The following THADA variants were observed in gnomAD, a reference collection of about 807,000 sequenced individuals.
The protein encoded by THADA is THADA armadillo repeat containing, also known as tRNA (32-2'-O)-methyltransferase regulator THADA.
Under a neutral mutation model 219.8 loss-of-function variants are expected in THADA, and 213 were observed. The observed-to-expected ratio is 0.97, with a 90% CI of 0.87 to 1.09. The LOEUF (loss-of-function observed/expected upper bound fraction) is 1.09. Ranked by LOEUF, THADA falls within the 50% of genes least tolerant of loss-of-function variation. THADA has a pLI of 0.00. For missense variants in THADA, 2,956 were observed against 2,311.3 expected, an observed-to-expected ratio of 1.28 and a Z score of -5.72; for synonymous variants, 1,018 against 828.9, an observed-to-expected ratio of 1.23 and a Z score of -3.92.
In THADA at chr2:43,231,161, A is replaced by G. The variant is rs1384081232; in HGVS notation, c.5649T>C (p.Ser1883=). ...CTGGTGGAAGCTCTCTGAAGAACTGAGACAGGAGGTGGCACTGCTCTGACA... is the reference window on the plus strand; with the variant it reads ...CTGGTGGAAGCTCTCTGAAGAACTGGGACAGGAGGTGGCACTGCTCTGACA... ...RMVSEQCHLL[S]QFFRELPPAA... The change falls in exon 38 of 38, where the codon TCT becomes TCC. Residue 1883 remains serine, a synonymous_variant. Coordinates refer to ENST00000405975, the MANE Select transcript of THADA (RefSeq NM_022065.5). The G allele has an allele frequency of 6.2e-7, 1 of 1,613,818 alleles. No homozygotes were observed. The highest frequency in any genetic ancestry group is 1.1e-5 in the South Asian group (1 of 91,062).
intron 29 of THADA, among the ~76,000 whole-genome samples, chr2:43,345,548 C>T (rs544733792): frequency 2.0e-3 from 310 of 152,290 alleles, no homozygotes; most frequent in African/African-American, 7.0e-3. Context: ...TTCACCACAC[C>T]CCCGCAGGGA....
intron 26 of THADA, among the ~76,000 whole-genome samples, chr2:43,485,015 G>A (rs1007885624): frequency 6.6e-6 from 1 of 150,838 alleles, no homozygotes; most frequent in African/African-American, 2.4e-5. Context: ...TTGCTACCTT[G>A]CTAAATTTTT....
intron 36 of THADA, among the ~76,000 whole-genome samples, chr2:43,264,411 G>A (rs955699891): frequency 3.3e-5 from 5 of 151,432 alleles, no homozygotes; most frequent in Non-Finnish European, 7.4e-5. Context: ...TCAGCCTCCC[G>A]AGTAGCTGGG....
chr2:43,584,037 T>TAAAAAAAAAAAAAAAAAAAAA (rs536050936), intron 7 of THADA, among the ~76,000 whole-genome samples: 1 of 65,614 alleles, frequency 1.5e-5, no homozygotes. Context: ...TTGTCTCAAT[T>TAAAAAAAAAAAAAAAAAAAAA]AAAAAAAAAA....
chr2:43,568,066 G>A (rs906146721), intron 14 of THADA, among the ~76,000 whole-genome samples: 3 of 152,144 alleles, frequency 2.0e-5, no homozygotes, highest in Non-Finnish European at 2.9e-5. Context: ...GGAGTCAAGA[G>A]CAGGTCTGGA....
intron 31 of THADA, among the ~76,000 whole-genome samples, chr2:43,294,519 G>C (rs905532308): frequency 6.6e-6 from 1 of 152,224 alleles, no homozygotes; most frequent in African/African-American, 2.4e-5. Context: ...GTGGGAAAGG[G>C]CAGGAGATGA....
chr2:43,591,206 C>T (rs575557659), intron 3 of THADA, among the ~76,000 whole-genome samples: 168 of 152,102 alleles, frequency 1.1e-3, no homozygotes, highest in Non-Finnish European at 1.9e-3. Context: ...TGCCTGTAGT[C>T]CCAGCTACTC....
In THADA at chr2:43,586,876, G is replaced by A; in HGVS notation, c.429C>T (p.Ser143=). ...TACCCAAGTTAAAGTTCTCCATACA[G>A]GAAGAAATATTGTCAGTAACTTTCC... ...SYRKVTDNIS[S]CMENFNLGRA... is the part of the protein sequence containing the mutation. The change falls in exon 5 of 38, where the codon TCC becomes TCT. Residue 143 remains serine, a synonymous_variant. Coordinates refer to ENST00000405975, the MANE Select transcript of THADA (RefSeq NM_022065.5). The A allele has an allele frequency of 3.7e-6, 6 of 1,613,822 alleles. No individual in the cohort carries two copies. Among genetic ancestry groups the A allele is most frequent in the Non-Finnish European group, 5.1e-6 (6 of 1,179,856 alleles).
rs1354728330 is a variant in THADA, at chr2:43,398,116, T to C, written c.4082A>G (p.His1361Arg). ...GGCACGAGCTGCCATTTCACGGGAG[T>C]GGTAGACAGGTGAGTGACCACACCT... ...IMRCGHSPVY[H>R]SREMAARALV... Residue 1361 changes from histidine to arginine, a missense_variant, in exon 29 of 38, where the codon CAC (histidine) becomes CGC (arginine). Transcript: ENST00000405975. The C allele has an allele frequency of 2.5e-6, 4 of 1,613,302 alleles. No homozygotes were observed. The highest frequency in any genetic ancestry group is 3.4e-6 in the Non-Finnish European group (4 of 1,179,742).
chr2:43,557,075 CCT>C (rs1697454938), intron 16 of THADA, among the ~76,000 whole-genome samples: 1 of 151,994 alleles, frequency 6.6e-6, no homozygotes, highest in Admixed American at 6.6e-5. Context: ...AGAGTGAGAC[CCT>C]GTCTCTATTA....
chr2:43,474,374 A>T (rs995497510), intron 26 of THADA, among the ~76,000 whole-genome samples: 1 of 152,172 alleles, frequency 6.6e-6, no homozygotes, highest in African/African-American at 2.4e-5. Flanking sequence ...TCTTCCCCTG[A>T]GAGAGAGGAA....
intron 36 of THADA, among the ~76,000 whole-genome samples, chr2:43,235,560 G>A (rs1364509807): frequency 1.3e-5 from 2 of 152,136 alleles, no homozygotes; most frequent in South Asian, 4.1e-4. Flanking sequence ...CCAAAGTGCT[G>A]GGATTACACC....
chr2:43,397,069 A>ACATCCTT (rs1674148929), intron 29 of THADA, among the ~76,000 whole-genome samples: 1 of 152,206 alleles, frequency 6.6e-6, no homozygotes, highest in Non-Finnish European at 1.5e-5. Context: ...TTCAAAAATG[A>ACATCCTT]AGACATGGAT....
At chr2:43,302,074 C>T (rs149149097) in intron 31 of THADA, among the ~76,000 whole-genome samples, 32 of 151,994 alleles carry the variant, frequency 2.1e-4, no homozygotes, top group African/African-American at 7.5e-4. Flanking sequence ...GATGGTTTAT[C>T]ACAAGCTGAT....
At position 43,381,329 on chromosome 2, in the gene THADA, G is replaced by C. The variant is rs564646985; in HGVS notation, c.4227+16642C>G. ...TAAATGATTGAACAAATAAATAAATGGGAGAGAAGAGACAAATTTCCCACA... is the reference window on the plus strand; with the variant it reads ...TAAATGATTGAACAAATAAATAAATCGGAGAGAAGAGACAAATTTCCCACA... On this transcript the variant is annotated intron_variant, in intron 29 of 37. Coordinates refer to ENST00000405975, the MANE Select transcript of THADA (RefSeq NM_022065.5). Among the ~76,000 whole-genome samples the C allele has an allele frequency of 1.1e-3, 170 of 152,124 alleles. 1 individual carries two copies. Among genetic ancestry groups the C allele is most frequent in the African/African-American group, 4.0e-3 (164 of 41,506 alleles).
At chr2:43,384,672 A>C (rs1672424920) in intron 29 of THADA, among the ~76,000 whole-genome samples, 1 of 152,226 alleles carries the variant, frequency 6.6e-6, no homozygotes, top group African/African-American at 2.4e-5. Flanking sequence ...TTTCAGTATA[A>C]GAAAAATTTG....
chr2:43,501,180 C>T (rs897646456), intron 24 of THADA, among the ~76,000 whole-genome samples: 1 of 151,302 alleles, frequency 6.6e-6, no homozygotes, highest in African/African-American at 2.4e-5. Flanking sequence ...GTGGTGCACG[C>T]CTGTAATCCC....
chr2:43,378,615 T>A (rs1671646808), intron 29 of THADA, among the ~76,000 whole-genome samples: 1 of 152,192 alleles, frequency 6.6e-6, no homozygotes, highest in Non-Finnish European at 1.5e-5. Context: ...TATCTTCTTT[T>A]TTCTTTTTGA....
intron 26 of THADA, among the ~76,000 whole-genome samples, chr2:43,466,666 C>T (rs1036447786): frequency 1.3e-5 from 2 of 152,150 alleles, no homozygotes; most frequent in Admixed American, 1.3e-4. Context: ...TTGTATTGTG[C>T]ATTTACTCTG....
Sources: gnomAD v4.1 joint callset for allele counts (sites outside exome capture counted in the v4.1 genomes callset) on GRCh38, gnomAD v4.1.1 for gene constraint, MANE v1.5 for transcripts, NCBI Gene and HGNC (gene_info 2026-07-23, HGNC 2026-07-21) for gene names.